The following BICD1 variants were observed in gnomAD, a reference collection of about 807,000 sequenced individuals.
BICD1 encodes BICD cargo adaptor 1.
In BICD1, 35 loss-of-function variants were observed where a neutral mutation model predicts 92.5. The observed-to-expected ratio is 0.38, with a 90% confidence interval of 0.29 to 0.50. The LOEUF (loss-of-function observed/expected upper bound fraction) is 0.50. Among genes scored for constraint, BICD1 ranks in the 20% least tolerant of loss-of-function variants. The pLI is 0.93. For synonymous variants in BICD1, 429 were observed against 465.1 expected, an observed-to-expected ratio of 0.92 and a Z score of 1.00; for missense variants, 950 against 1,189.8, an observed-to-expected ratio of 0.80 and a Z score of 2.97.
intron 6 of BICD1, among the ~76,000 whole-genome samples, chr12:32,336,789 C>T (rs761058881): frequency 6.6e-6 from 1 of 152,138 alleles, no homozygotes; most frequent in Non-Finnish European, 1.5e-5. Context: ...AACTCTGTCC[C>T]TGGGGTTTAA....
chr12:32,327,944 A>C lies in BICD1; in HGVS notation c.1489A>C (p.Asn497His). Residue 497 changes from asparagine to histidine, a missense_variant, in exon 5 of 10, where the codon AAT (asparagine) becomes CAT (histidine). Transcript: ENST00000652176. ...AAAGATGACCAGCATAGCCAACGAAAATCACAGTACCCTTAATACGGCCCA... is the reference window on the plus strand; with the variant it reads ...AAAGATGACCAGCATAGCCAACGAACATCACAGTACCCTTAATACGGCCCA... ...LQKMTSIANE[N>H]HSTLNTAQDE... 6.2e-7 allele frequency: 1 copy of C among 1,614,146 alleles called. No individual in the cohort carries two copies. The highest frequency in any genetic ancestry group is 1.1e-5 in the South Asian group (1 of 91,068).
intron 1 of BICD1, among the ~76,000 whole-genome samples, chr12:32,166,150 T>A (rs1220666607): frequency 1.9e-5 from 2 of 106,962 alleles, no homozygotes; most frequent in African/African-American, 3.2e-5. Flanking sequence ...TTATTTATTT[T>A]TTGGAGCCAG....
At chr12:32,114,120 C>T (rs1302650936) in intron 1 of BICD1, among the ~76,000 whole-genome samples, 1 of 152,092 alleles carries the variant, frequency 6.6e-6, no homozygotes, top group African/African-American at 2.4e-5. Context: ...ATCCACCCAC[C>T]TTGGCCTCCG....
chr12:32,369,972 A>G (rs200483054), intron 9 of BICD1, among the ~76,000 whole-genome samples: 2 of 152,342 alleles, frequency 1.3e-5, no homozygotes, highest in Middle Eastern at 3.4e-3. Context: ...GCAGTTTCCA[A>G]TTGGTGTGTG....
chr12:32,278,265 A>G (rs1947327134), intron 2 of BICD1, among the ~76,000 whole-genome samples: 1 of 152,202 alleles, frequency 6.6e-6, no homozygotes, highest in Admixed American at 6.5e-5. Context: ...TCAGGGCACC[A>G]TGGATATTCA....
intron 3 of BICD1, among the ~76,000 whole-genome samples, chr12:32,297,492 G>C (rs140592063): frequency 6.0e-5 from 9 of 151,162 alleles, no homozygotes; most frequent in African/African-American, 2.2e-4. Context: ...CACCATGCCC[G>C]GCCCTAATTA....
chr12:32,328,084 C>A lies in BICD1; in HGVS notation c.1629C>A (p.Val543=). The A allele has an allele frequency of 6.2e-7, 1 of 1,614,162 alleles. No homozygotes were observed. The highest frequency in any genetic ancestry group is 1.1e-5 in the South Asian group (1 of 91,072). Residue 543 remains valine (V), a synonymous_variant, in exon 5 of 10, where the codon GTC becomes GTA. Transcript: ENST00000652176. This position sits in a 1 kb window ranked among gnomAD's most constrained non-coding sequence, Gnocchi z 4.4. ...TGGATTACTATAGGCAGAGCAGAGT[C>A]ACCCGCAGTGGCAGCCTGAAAGGGC... ...VMLDYYRQSR[V]TRSGSLKGPD... is the part of the protein sequence containing the mutation.
chr12:32,158,651 T>C (rs1347475512), intron 1 of BICD1, among the ~76,000 whole-genome samples: 1 of 152,196 alleles, frequency 6.6e-6, no homozygotes, highest in Non-Finnish European at 1.5e-5. Context: ...TGGACAGTCA[T>C]CTGTGATTCT....
At chr12:32,372,498 G>A (rs758677492) in intron 9 of BICD1, among the ~76,000 whole-genome samples, 5 of 152,028 alleles carry the variant, frequency 3.3e-5, no homozygotes, top group Non-Finnish European at 5.9e-5. Flanking sequence ...AAATTATTTT[G>A]TACTTCCCTC....
rs1226636246 is a variant in BICD1 at position 32,115,437 on chromosome 12, C to T, written c.213+7893C>T. The stretch of plus-strand genomic sequence containing the variant: ...TCCTTTGTTTTTATAAAAACAGGAT[C>T]TTGCAGCCTGGTGTTTTAAATTTAG... On this transcript the variant is annotated intron_variant, in intron 1 of 9. Transcript: ENST00000652176. Among the ~76,000 whole-genome samples the T allele has an allele frequency of 2.9e-4, 42 of 142,408 alleles. 1 individual carries two copies. The highest frequency in any genetic ancestry group is 1.1e-3 in the African/African-American group (42 of 38,506). 93.4% of individuals were successfully genotyped at this position (142,408 alleles called of 152,430 possible).
At chr12:32,141,513 GC>G (rs1220637793) in intron 1 of BICD1, among the ~76,000 whole-genome samples, 1 of 151,960 alleles carries the variant, frequency 6.6e-6, no homozygotes, top group South Asian at 2.1e-4. Context: ...TTGCTCTGTC[GC>G]CCAGGCTGGA....
At position 32,173,064 on chromosome 12, in the gene BICD1, T is replaced by TTTG. The variant is rs1555141819; in HGVS notation, c.214-43182_214-43181insTGT. ...GGCAGAGTTTTTTTTTTTGTTTTTTTTGGAGACAGCGTCTCACTCTGTCGC... is the reference window on the plus strand; with the variant it reads ...GGCAGAGTTTTTTTTTTTGTTTTTTTTTGTGGAGACAGCGTCTCACTCTGTCGC... On this transcript the variant is annotated intron_variant, in intron 1 of 9. Coordinates refer to ENST00000652176, the MANE Select transcript of BICD1 (RefSeq NM_001714.4). Among the ~76,000 whole-genome samples, 7 of 151,822 alleles carry TTTG rather than the reference T, an allele frequency of 4.6e-5. No individual in the cohort carries two copies. In the East Asian group the frequency reaches 7.8e-4, roughly 17 times the overall value.
intron 4 of BICD1, among the ~76,000 whole-genome samples, chr12:32,310,798 A>G (rs1180624163): frequency 6.6e-6 from 1 of 152,250 alleles, no homozygotes; most frequent in Non-Finnish European, 1.5e-5. Flanking sequence ...CTTTGCCTAC[A>G]TATTTCAAAA....
intron 9 of BICD1, among the ~76,000 whole-genome samples, chr12:32,371,664 T>G (rs1180692066): frequency 6.6e-6 from 1 of 152,066 alleles, no homozygotes; most frequent in African/African-American, 2.4e-5. Flanking sequence ...CTTGGCTCAC[T>G]GGCACCTCCA....
At chr12:32,372,895 A>T (rs1451097755) in intron 9 of BICD1, among the ~76,000 whole-genome samples, 1 of 152,210 alleles carries the variant, frequency 6.6e-6, no homozygotes, top group African/African-American at 2.4e-5. Context: ...GAAAAAAAGT[A>T]GAACTTTTCC....
intron 3 of BICD1, among the ~76,000 whole-genome samples, chr12:32,305,305 T>C (rs1464292434): frequency 6.6e-6 from 1 of 152,084 alleles, no homozygotes; most frequent in African/African-American, 2.4e-5. Flanking sequence ...TCTCATAAGT[T>C]ATTACAAAAA....
intron 8 of BICD1, chr12:32,339,575 T>C: frequency 1.0e-6 from 1 of 985,444 alleles, no homozygotes; most frequent in Non-Finnish European, 1.2e-6. Flanking sequence ...CTATTTTGCA[T>C]TTTTCTTTCT....
rs907901255 is a variant in BICD1, at chr12:32,383,385, C to T, written c.*5758C>T. ...AAAAATTCTTATGAATTTATTATTG[C>T]TTGTACTTTAACTTTTTTTATTGTA... On this transcript the variant is annotated 3_prime_UTR_variant, in exon 10 of 10. Transcript: ENST00000652176. 1 of 152,096 alleles carries T rather than the reference C, an allele frequency of 6.6e-6. No individual in the cohort carries two copies. The highest frequency in any genetic ancestry group is 1.5e-5 in the Non-Finnish European group (1 of 67,972). The allele number at this position is 152,096 out of a possible 1,614,324, so 9.4% of individuals were successfully genotyped here.
chr12:32,158,228 C>T (rs1222298900), intron 1 of BICD1, among the ~76,000 whole-genome samples: 1 of 151,802 alleles, frequency 6.6e-6, no homozygotes, highest in Non-Finnish European at 1.5e-5. Flanking sequence ...GCCTCAGCCT[C>T]CTGAGTAGCT....
Sources: gnomAD v4.1 joint callset for allele counts (sites outside exome capture counted in the v4.1 genomes callset) on GRCh38, gnomAD v4.1.1 for gene constraint, Gnocchi (gnomAD v3.1) non-coding constraint, MANE v1.5 for transcripts, NCBI Gene and HGNC (gene_info 2026-07-23, HGNC 2026-07-21) for gene names.